Variants in ACSS1 observed in about 807,000 individuals in gnomAD.
ACSS1 encodes acetyl-coenzyme A synthetase 2-like, mitochondrial.
ACSS1 carries 42 observed loss-of-function variants against 75.3 expected under a neutral mutation model. The observed-to-expected ratio is 0.56, with a 90% CI of 0.44 to 0.72. The LOEUF (loss-of-function observed/expected upper bound fraction) is 0.72, where lower values mean the gene tolerates loss of function less well. Ranked by LOEUF, ACSS1 falls within the 30% of genes least tolerant of loss-of-function variation. ACSS1 has a pLI of 0.00. For missense variants in ACSS1, 782 were observed against 935.7 expected (o/e 0.84, Z 2.14); for synonymous variants, 380 against 376.8 (o/e 1.01, Z -0.10).
chr20:25,006,837 G>A lies in ACSS1; in HGVS notation c.*925C>T. ...ACAGAGTGAAGGTCAGGCAGCGTTT[G>A]CCAGGATTTGGCTCTGACCAAGTTA... On this transcript the variant is annotated 3_prime_UTR_variant, in exon 14 of 14. Transcript: ENST00000323482. 3 of 1,535,468 alleles carry A rather than the reference G, an allele frequency of 2.0e-6. No homozygotes were observed. Among genetic ancestry groups the A allele is most frequent in the Non-Finnish European group, 2.6e-6 (3 of 1,146,710 alleles).
chr20:25,057,466 C>T (rs1325477367), intron 1 of ACSS1, among the ~76,000 whole-genome samples: 1 of 152,228 alleles, frequency 6.6e-6, no homozygotes, highest in Non-Finnish European at 1.5e-5. Flanking sequence ...TAACGCAACT[C>T]TGGAGTCCGC....
At chr20:25,030,716 A>G (rs1184339381) in intron 3 of ACSS1, 43 bp downstream of exon 3, 2 of 1,605,902 alleles carry the variant, frequency 1.2e-6, no homozygotes, top group Non-Finnish European at 1.7e-6. Flanking sequence ...AACAAGGATC[A>G]GGGAACTCCA....
At chr20:25,019,949 G>A (rs2088588913) in intron 7 of ACSS1, 61 bp downstream of exon 7, 8 of 1,607,202 alleles carry the variant, frequency 5.0e-6, no homozygotes, top group South Asian at 1.1e-5. Context: ...GCTGAAGCCC[G>A]TATTGGCTCT....
chr20:25,056,399 T>C (rs955224920), intron 1 of ACSS1, among the ~76,000 whole-genome samples: 3 of 152,192 alleles, frequency 2.0e-5, no homozygotes, highest in African/African-American at 7.2e-5. Context: ...AGAAAACACT[T>C]ATCTAGTAAG....
Position 25,048,137 on chromosome 20 carries a change from C to T in ACSS1, c.379G>A (p.Ala127Thr). The change falls in exon 2 of 14, where the codon GCT (alanine) becomes ACT (threonine). Residue 127 changes from alanine to threonine, a missense_variant. Ala to Thr is a moderately conservative substitution (Grantham distance 58, BLOSUM62 0). Around this residue, in one of 2 missense-constraint regions of ACSS1, gnomAD observed 377 missense variants for 383.1 expected, o/e 0.98. Coordinates refer to ENST00000323482, the MANE Select transcript of ACSS1 (RefSeq NM_032501.4). ...QHVRKSPESV[A>T]LIWERDEPGT... ...GGCTCATCGCGCTCCCAGATCAAAG[C>T]AACGCTCTCGGGGGACTTCCGAACA... The T allele has an allele frequency of 6.2e-7, 1 of 1,613,756 alleles. No homozygotes were observed. The highest frequency in any genetic ancestry group is 8.5e-7 in the Non-Finnish European group (1 of 1,179,986).
chr20:25,029,873 T>C (rs2088791591), intron 3 of ACSS1, among the ~76,000 whole-genome samples: 1 of 152,352 alleles, frequency 6.6e-6, no homozygotes, highest in Non-Finnish European at 1.5e-5. Flanking sequence ...AAAATACTTA[T>C]GAAGAGTAAG....
Position 25,012,638 on chromosome 20 carries a change from A to G in ACSS1, c.1734T>C (p.Ser578=), listed in dbSNP as rs1218464906. ...TGTCGTGGGGGTAGCCAATGACAGC[A>G]CTTTCTGGTACTGCAGGGTGGTCGG... ...AIADHPAVPE[S]AVIGYPHDIK... Residue 578 remains serine (S), a synonymous_variant, in exon 12 of 14, where the codon AGT becomes AGC. Coordinates refer to ENST00000323482, the MANE Select transcript of ACSS1 (RefSeq NM_032501.4). 2 of 1,614,074 alleles carry G rather than the reference A, an allele frequency of 1.2e-6. No homozygotes were observed. The highest frequency in any genetic ancestry group is 2.7e-5 in the African/African-American group (2 of 74,916).
intron 7 of ACSS1, among the ~76,000 whole-genome samples, chr20:25,016,179 T>G (rs1407918518): frequency 6.6e-6 from 1 of 152,088 alleles, no homozygotes; most frequent in Non-Finnish European, 1.5e-5. Context: ...GGGAGGGGTG[T>G]GCTGTGTGAT....
At chr20:25,028,428 A>G (rs1473445375) in intron 3 of ACSS1, among the ~76,000 whole-genome samples, 3 of 152,242 alleles carry the variant, frequency 2.0e-5, no homozygotes, top group Admixed American at 2.0e-4. Context: ...ATATGGATAA[A>G]TGGAATAGGA....
At chr20:25,010,328 C>T (rs1456269234) in intron 12 of ACSS1, 3 of 152,290 alleles carry the variant, frequency 2.0e-5, no homozygotes, top group African/African-American at 2.4e-5. Context: ...CTTGACCCCT[C>T]TATGGGGTCA....
At chr20:25,044,096 A>G (rs2089047876) in intron 2 of ACSS1, among the ~76,000 whole-genome samples, 1 of 152,148 alleles carries the variant, frequency 6.6e-6, no homozygotes, top group African/African-American at 2.4e-5. Context: ...ACAGGGCCTC[A>G]GGCTGCTTCC....
chr20:25,009,213 T>C, intron 13 of ACSS1, 57 bp downstream of exon 13: 1 of 1,374,074 alleles, frequency 7.3e-7, no homozygotes, highest in Non-Finnish European at 1.0e-6. Flanking sequence ...TCATTGTCAC[T>C]TGACAATTGT....
At position 25,054,383 on chromosome 20, in the gene ACSS1, G is replaced by C. The variant is rs192015074; in HGVS notation, c.334+3386C>G. On this transcript the variant is annotated intron_variant, in intron 1 of 13. Transcript: ENST00000323482. ...AATAAATAACAAATAGTCAGTGACT[G>C]GGGATGTATAATGTGTTAAGAAAGT... Among the ~76,000 whole-genome samples, 10 of 152,356 alleles carry C rather than the reference G, an allele frequency of 6.6e-5. No homozygotes were observed. In the East Asian group the frequency reaches 1.9e-3, roughly 29 times the overall value.
chr20:25,007,723 G>C lies in ACSS1; in HGVS notation c.*39C>G, dbSNP rs992503108. ...TTCTGGGAAGGACAAGCCAGGGCTT[G>C]GGTGCCCGCCCATCCCAAGAGCCCC... On this transcript the variant is annotated 3_prime_UTR_variant, in exon 14 of 14. Transcript: ENST00000323482. 3.7e-6 allele frequency: 6 copies of C among 1,605,446 alleles called. No homozygotes were observed. The highest frequency in any genetic ancestry group is 1.3e-5 in the African/African-American group (1 of 74,822).
intron 1 of ACSS1, among the ~76,000 whole-genome samples, chr20:25,055,184 G>A (rs1022467388): frequency 6.6e-6 from 1 of 152,134 alleles, no homozygotes; most frequent in Non-Finnish European, 1.5e-5. Context: ...CATCCCCATC[G>A]GGCCCTGTCC....
At chr20:25,026,820 G>C (rs2088727438) in intron 3 of ACSS1, among the ~76,000 whole-genome samples, 1 of 152,134 alleles carries the variant, frequency 6.6e-6, no homozygotes, top group Non-Finnish European at 1.5e-5. Flanking sequence ...AGGATATCAG[G>C]GCAGAGTCCT....
In ACSS1 at chr20:25,036,275, A is replaced by C. The variant is rs559501515; in HGVS notation, c.432-5317T>G. On this transcript the variant is annotated intron_variant, in intron 2 of 13. Transcript: ENST00000323482. ...TGTTCCTGGTGCTTAACACTAGGAA[A>C]ACGCTGACTGGCCTTGGGGAAGGAA... Among the ~76,000 whole-genome samples, 21 of 152,320 alleles carry C rather than the reference A, an allele frequency of 1.4e-4. No individual in the cohort carries two copies. The South Asian group carries it at 4.1e-3, about 30-fold the overall frequency.
chr20:25,037,492 CT>C (rs1287244299), intron 2 of ACSS1, among the ~76,000 whole-genome samples: 1 of 152,204 alleles, frequency 6.6e-6, no homozygotes, highest in Non-Finnish European at 1.5e-5. Context: ...AGGTAATTGT[CT>C]TGATATGTGA....
intron 8 of ACSS1, among the ~76,000 whole-genome samples, chr20:25,014,307 C>T (rs1303321090): frequency 1.3e-5 from 2 of 152,220 alleles, no homozygotes; most frequent in African/African-American, 4.8e-5. Context: ...CAGGTGCAGG[C>T]CCCCTCGCCA....
Sources: allele counts gnomAD v4.1 joint callset (sites outside exome capture counted in the v4.1 genomes callset), GRCh38; gene constraint gnomAD v4.1.1; regional missense constraint gnomAD v4.1.1; transcripts MANE v1.5; gene names NCBI Gene and HGNC (gene_info 2026-07-23, HGNC 2026-07-21).